Variants in FAXC observed in about 807,000 individuals in gnomAD.
FAXC encodes failed axon connections homolog, metaxin like GST domain containing, also known as failed axon connections homolog.
In FAXC, 10 loss-of-function variants were observed where a neutral mutation model predicts 41.9. That is an observed-to-expected ratio of 0.24 (90% CI 0.15 to 0.41). The LOEUF is 0.41. FAXC is among the 10% of genes least tolerant of loss of function. The pLI is 1.00. For synonymous variants in FAXC, 183 were observed against 183.8 expected (o/e 1.00, Z 0.03); for missense variants, 399 against 510.9 (o/e 0.78, Z 2.11).
chr6:99,280,473 C>G lies in FAXC; in HGVS notation c.*691G>C, dbSNP rs1384422780. On this transcript the variant is annotated 3_prime_UTR_variant, in exon 6 of 6. Coordinates refer to ENST00000389677, the MANE Select transcript of FAXC (RefSeq NM_032511.4). ...GCCGTACGAATGTTACCACATGAATCCCCACAACACCCCTGTGAGGTAGGT... is the reference window on the plus strand; with the variant it reads ...GCCGTACGAATGTTACCACATGAATGCCCACAACACCCCTGTGAGGTAGGT... 1.3e-5 allele frequency: 2 copies of G among 152,396 alleles called. No individual in the cohort carries two copies. The highest frequency in any genetic ancestry group is 6.5e-5 in the Admixed American group (1 of 15,282). 9.4% of individuals were successfully genotyped at this position (152,396 alleles called of 1,614,324 possible).
At chr6:99,288,808 C>T (rs1053612310) in intron 5 of FAXC, among the ~76,000 whole-genome samples, 2 of 149,682 alleles carry the variant, frequency 1.3e-5, no homozygotes, top group Non-Finnish European at 3.0e-5. Context: ...GAGCTGCTGG[C>T]GTCAGCCTGG....
chr6:99,336,036 C>T (rs549324145), intron 2 of FAXC, among the ~76,000 whole-genome samples: 1 of 152,002 alleles, frequency 6.6e-6, no homozygotes, highest in Non-Finnish European at 1.5e-5. Flanking sequence ...ATCTTTTTTT[C>T]CCATACATTT....
At chr6:99,338,427 T>G (rs1445991461) in intron 2 of FAXC, among the ~76,000 whole-genome samples, 2 of 152,060 alleles carry the variant, frequency 1.3e-5, no homozygotes, top group Non-Finnish European at 2.9e-5. Context: ...TCTACAGCAG[T>G]CAGGGCTTGA....
chr6:99,331,574 G>A (rs1476124339), intron 3 of FAXC, among the ~76,000 whole-genome samples: 7 of 152,190 alleles, frequency 4.6e-5, no homozygotes, highest in Non-Finnish European at 8.8e-5. Context: ...ACTTTCTAAG[G>A]GGAATATATA....
At chr6:99,283,142 CTA>C (rs1770899620) in intron 5 of FAXC, among the ~76,000 whole-genome samples, 1 of 152,146 alleles carries the variant, frequency 6.6e-6, no homozygotes, top group African/African-American at 2.4e-5. Flanking sequence ...TGTCACTACT[CTA>C]TCTTATTTTT....
rs1770520619 is a variant in FAXC at position 99,274,283 on chromosome 6, C to T, written c.*6881G>A. On this transcript the variant is annotated 3_prime_UTR_variant, in exon 6 of 6. Coordinates refer to ENST00000389677, the MANE Select transcript of FAXC (RefSeq NM_032511.4). The stretch of plus-strand genomic sequence containing the variant: ...CACTGGCCACTTGTATATCCATAGA[C>T]AATCCTTCCCTACATAGATTGCACT... The T allele has an allele frequency of 6.6e-6, 1 of 152,176 alleles. No individual in the cohort carries two copies. Among genetic ancestry groups the T allele is most frequent in the South Asian group, 2.1e-4 (1 of 4,820 alleles). 9.4% of individuals were successfully genotyped at this position (152,176 alleles called of 1,614,324 possible).
At position 99,271,604 on chromosome 6, in the gene FAXC, T is replaced by C. The variant is rs1161191192; in HGVS notation, c.*9560A>G. 6.6e-6 allele frequency: 1 copy of C among 152,198 alleles called. No homozygotes were observed. The highest frequency in any genetic ancestry group is 1.5e-5 in the Non-Finnish European group (1 of 68,036). 9.4% of individuals were successfully genotyped at this position (152,198 alleles called of 1,614,324 possible). A position where few individuals can be genotyped will look rare whatever the true frequency, so the allele number is the denominator to read the frequency against. On this transcript the variant is annotated 3_prime_UTR_variant, in exon 6 of 6. Coordinates refer to ENST00000389677, the MANE Select transcript of FAXC (RefSeq NM_032511.4). The stretch of plus-strand genomic sequence containing the variant: ...TTGATTTTGGGATACTCAACTGGTA[T>C]AATGCAAATATTTCAAAATCTGAGA...
In FAXC at chr6:99,323,524, C is replaced by G. The variant is rs756858299; in HGVS notation, c.743G>C (p.Gly248Ala). The G allele has an allele frequency of 1.2e-6, 2 of 1,614,224 alleles. No individual in the cohort carries two copies. Among genetic ancestry groups the G allele is most frequent in the South Asian group, 2.2e-5 (2 of 91,074 alleles). ...CTCGGAGAAGCGGCCAATGCCGTGG[C>G]CGTGCATCTCGCGTTTCACAATTCC... ...TKGIVKREMH[G>A]HGIGRFSEEE... The change falls in exon 4 of 6, where the codon GGC becomes GCC. Residue 248 changes from glycine (G) to alanine (A), a missense_variant. Physicochemically the swap from Gly to Ala is moderately conservative, Grantham distance 60. Coordinates refer to ENST00000389677, the MANE Select transcript of FAXC (RefSeq NM_032511.4).
chr6:99,294,651 T>TG (rs1457666852), intron 4 of FAXC, among the ~76,000 whole-genome samples: 1 of 152,166 alleles, frequency 6.6e-6, no homozygotes, highest in Non-Finnish European at 1.5e-5. Context: ...AAGAAAATGT[T>TG]GCTGTCCTTG....
At chr6:99,295,843 G>T (rs544839106) in intron 4 of FAXC, among the ~76,000 whole-genome samples, 6 of 152,166 alleles carry the variant, frequency 3.9e-5, no homozygotes, top group Non-Finnish European at 8.8e-5. Flanking sequence ...AATCTTGACA[G>T]AGACACTTTG....
intron 4 of FAXC, among the ~76,000 whole-genome samples, chr6:99,293,525 C>T (rs540098071): frequency 1.8e-4 from 27 of 152,304 alleles, no homozygotes; most frequent in African/African-American, 6.3e-4. Context: ...GACTTTAAGG[C>T]ATTTAATGCC....
At chr6:99,284,260 T>C (rs1419465042) in intron 5 of FAXC, 2 of 152,184 alleles carry the variant, frequency 1.3e-5, no homozygotes, top group South Asian at 2.1e-4. Flanking sequence ...TCAAGACTTA[T>C]GAGGAGACAG....
chr6:99,345,333 T>C lies in FAXC; in HGVS notation c.267-2300A>G, dbSNP rs1371505300. On this transcript the variant is annotated intron_variant, in intron 1 of 5. Coordinates refer to ENST00000389677, the MANE Select transcript of FAXC (RefSeq NM_032511.4). ...GTGTTATCTCATTTAATCAATGCTA[T>C]GAGAAAAGCTACTACTACTATTACC... is the stretch of plus-strand genomic sequence containing the variant. Among the ~76,000 whole-genome samples, 4 of 152,324 alleles carry C rather than the reference T, an allele frequency of 2.6e-5. No individual in the cohort carries two copies. The East Asian group carries it at 7.7e-4, about 29-fold the overall frequency.
At chr6:99,330,297 A>T (rs532405810) in intron 3 of FAXC, among the ~76,000 whole-genome samples, 82 of 152,334 alleles carry the variant, frequency 5.4e-4, no homozygotes, top group Admixed American at 1.1e-3. Context: ...AAGAAGCTGC[A>T]GTGTGTGTCA....
intron 4 of FAXC, among the ~76,000 whole-genome samples, chr6:99,301,138 G>T (rs1771689327): frequency 6.6e-6 from 1 of 152,254 alleles, no homozygotes; most frequent in South Asian, 2.1e-4. Flanking sequence ...AGAGTGGTGA[G>T]CCTTGCTCAG....
intron 4 of FAXC, among the ~76,000 whole-genome samples, chr6:99,316,156 CG>C (rs1397792616): frequency 2.5e-5 from 3 of 120,168 alleles, no homozygotes; most frequent in Non-Finnish European, 5.9e-5. Context: ...TTAACCCACT[CG>C]CCCCCCCCCA....
At chr6:99,314,014 A>T (rs1159332332) in intron 4 of FAXC, among the ~76,000 whole-genome samples, 1 of 152,056 alleles carries the variant, frequency 6.6e-6, no homozygotes, top group Non-Finnish European at 1.5e-5. Flanking sequence ...TTCAGAAATG[A>T]GGTTTTGCTA....
chr6:99,349,857 C>T (rs140921026), upstream of FAXC, among the ~76,000 whole-genome samples: 1 of 152,022 alleles, frequency 6.6e-6, no homozygotes, highest in African/African-American at 2.4e-5. Context: ...CCGCTCGCCG[C>T]GCGCGGGCAA....
chr6:99,333,657 C>T lies in FAXC; in HGVS notation c.403-110G>A, dbSNP rs190817169. ...CTTATGTTTGATAGTGACAGTACTACTCAAGTGAATGAACTCAGGGCATAA... is the reference window on the plus strand; with the variant it reads ...CTTATGTTTGATAGTGACAGTACTATTCAAGTGAATGAACTCAGGGCATAA... On this transcript the variant is annotated intron_variant, in intron 2 of 5. Coordinates refer to ENST00000389677, the MANE Select transcript of FAXC (RefSeq NM_032511.4). 9.8e-5 allele frequency: 92 copies of T among 938,294 alleles called. No individual in the cohort carries two copies. In the East Asian group the frequency reaches 2.1e-3, roughly 22 times the overall value. The allele number at this position is 938,294 out of a possible 1,614,324, so 58.1% of individuals were successfully genotyped here.
Sources: allele counts gnomAD v4.1 joint callset (sites outside exome capture counted in the v4.1 genomes callset), GRCh38; gene constraint gnomAD v4.1.1; transcripts MANE v1.5; gene names NCBI Gene and HGNC (gene_info 2026-07-23, HGNC 2026-07-21).